Variants in SERPINB5 observed in about 807,000 individuals in gnomAD.
The protein encoded by SERPINB5 is serpin family B member 5.
A neutral mutation model predicts 32.2 loss-of-function variants in SERPINB5; 27 were observed. The ratio of observed to expected loss-of-function variants is 0.84; its 90% CI spans 0.62 to 1.16. SERPINB5 has a LOEUF of 1.16. SERPINB5 is among the 50% of genes most tolerant of loss of function. The probability of loss-of-function intolerance (pLI) is 0.00; values close to 1 mark genes in which losing one functional copy is unlikely to be tolerated. For missense variants in SERPINB5, 388 were observed against 436.3 expected (o/e 0.89, Z 0.99); for synonymous variants, 154 against 157.4 (o/e 0.98, Z 0.16).
At chr18:63,491,751 A>G (rs1005329281) in intron 4 of SERPINB5, among the ~76,000 whole-genome samples, 4 of 152,140 alleles carry the variant, frequency 2.6e-5, no homozygotes, top group African/African-American at 9.7e-5. Flanking sequence ...CTGGGATTAC[A>G]GGTGTCAGCC....
Sources: gnomAD v4.1 joint callset for allele counts (sites outside exome capture counted in the v4.1 genomes callset) on GRCh38, gnomAD v4.1.1 for gene constraint, MANE v1.5 for transcripts, NCBI Gene and HGNC (gene_info 2026-07-23, HGNC 2026-07-21) for gene names.